Variants in SLC67A1 observed in about 807,000 individuals in gnomAD.
SLC67A1 encodes the protein solute carrier family 67 member 1.
the SLC67A1 span, among the ~76,000 whole-genome samples, chr11:2,900,166 G>T: frequency 6.6e-6 from 1 of 152,058 alleles, no homozygotes; most frequent in Non-Finnish European, 1.5e-5. Context: ...TCCCCAGGGC[G>T]GCCAGTGGTG....
At chr11:2,900,770 TC>T in the SLC67A1 span, among the ~76,000 whole-genome samples, 1 of 142,830 alleles carries the variant, frequency 7.0e-6, no homozygotes, top group African/African-American at 2.6e-5. Context: ...AGTATGGACA[TC>T]CATGCGGGAA....
the SLC67A1 span, among the ~76,000 whole-genome samples, chr11:2,923,060 G>A: frequency 2.6e-5 from 4 of 152,190 alleles, no homozygotes; most frequent in Admixed American, 6.5e-5. This position sits in a 1 kb window ranked among gnomAD's most constrained non-coding sequence, Gnocchi z 6.5. Flanking sequence ...CCCCACTTCC[G>A]ACCCAGCTTT....
the SLC67A1 span, chr11:2,903,236 T>C: frequency 6.5e-7 from 1 of 1,529,440 alleles, no homozygotes; most frequent in Non-Finnish European, 8.8e-7. Context: ...GGGTGCTGCC[T>C]GGGACCCAGT....
the SLC67A1 span, among the ~76,000 whole-genome samples, chr11:2,905,667 C>A: frequency 6.6e-6 from 1 of 152,050 alleles, no homozygotes; most frequent in South Asian, 2.1e-4. Flanking sequence ...AGTATAGTCC[C>A]CTGGGGCCTG....
the SLC67A1 span, among the ~76,000 whole-genome samples, chr11:2,905,375 C>T: frequency 1.3e-5 from 2 of 152,124 alleles, no homozygotes; most frequent in Non-Finnish European, 2.9e-5. Context: ...CCAAAGCGGA[C>T]CACTGGAGGC....
At chr11:2,900,418 C>T in the SLC67A1 span, among the ~76,000 whole-genome samples, 1,614 of 152,176 alleles carry the variant, frequency 0.011, 32 homozygotes, top group African/African-American at 0.036. Context: ...ACAGGCTGGG[C>T]GCGGTGGCTC....
the SLC67A1 span, chr11:2,902,610 G>A: frequency 1.0e-6 from 1 of 985,416 alleles, no homozygotes; most frequent in Non-Finnish European, 1.2e-6. Flanking sequence ...GCAGTCAGCT[G>A]TTAATGTGGC....
the SLC67A1 span, among the ~76,000 whole-genome samples, chr11:2,911,351 T>TGTGGTGATTTGGAGGATCAGGCAGGC: frequency 1.1e-3 from 161 of 151,570 alleles, 2 homozygotes; most frequent in African/African-American, 3.7e-3. Context: ...GCTGGGAGGG[T>TGTGGTGATTTGGAGGATCAGGCAGGC]GTCCCTGGAG....
At chr11:2,900,727 G>GAAA in the SLC67A1 span, among the ~76,000 whole-genome samples, 1 of 132,830 alleles carries the variant, frequency 7.5e-6, no homozygotes, top group Non-Finnish European at 1.7e-5. Flanking sequence ...AGATATGGGG[G>GAAA]AAATTGCCAT....
At chr11:2,903,567 G>A in the SLC67A1 span, 558 of 1,531,620 alleles carry the variant, frequency 3.6e-4, 2 homozygotes, top group African/African-American at 6.7e-3. Context: ...CTGGGCCGTC[G>A]CAGAGAGTGG....
the SLC67A1 span, chr11:2,909,060 C>G: frequency 5.1e-6 from 4 of 780,134 alleles, no homozygotes; most frequent in Middle Eastern, 3.8e-4. Context: ...TCCCAGCAGC[C>G]GCCCAGGCGC....
At chr11:2,901,355 C>T in the SLC67A1 span, among the ~76,000 whole-genome samples, 4 of 152,252 alleles carry the variant, frequency 2.6e-5, no homozygotes, top group African/African-American at 9.6e-5. Context: ...CTCGCCTCTG[C>T]GATGTCCGTC....
chr11:2,924,268 C>T, the SLC67A1 span, among the ~76,000 whole-genome samples: 1 of 152,162 alleles, frequency 6.6e-6, no homozygotes, highest in Non-Finnish European at 1.5e-5. The surrounding 1 kb of genome is among the most constrained non-coding windows in gnomAD (Gnocchi z 8.6). Context: ...GGAAGCCGCT[C>T]GGTCTTGCTC....
At chr11:2,901,069 T>C in the SLC67A1 span, among the ~76,000 whole-genome samples, 1 of 152,198 alleles carries the variant, frequency 6.6e-6, no homozygotes, top group Non-Finnish European at 1.5e-5. Context: ...TGACCTGCCC[T>C]GGGGAAAATG....
At chr11:2,908,362 C>A in the SLC67A1 span, 2 of 1,511,330 alleles carry the variant, frequency 1.3e-6, no homozygotes, top group Non-Finnish European at 1.8e-6. Context: ...GGGCTCTCCC[C>A]ACAGTGACCC....
the SLC67A1 span, among the ~76,000 whole-genome samples, chr11:2,908,523 G>A: frequency 7.9e-5 from 12 of 152,220 alleles, no homozygotes; most frequent in South Asian, 2.1e-4. Flanking sequence ...TCCCACCCAC[G>A]CCTTCCACTA....
At chr11:2,918,981 T>G in the SLC67A1 span, 1 of 295,622 alleles carries the variant, frequency 3.4e-6, no homozygotes, top group Non-Finnish European at 6.7e-6. Flanking sequence ...AGACGTGACT[T>G]TGAGGGCTCT....
chr11:2,919,549 C>G, the SLC67A1 span: 1 of 642,058 alleles, frequency 1.6e-6, no homozygotes, highest in Non-Finnish European at 2.8e-6. Context: ...CACAGGGAAC[C>G]AGGCATACAG....
chr11:2,914,304 T>C, the SLC67A1 span, among the ~76,000 whole-genome samples: 1 of 151,900 alleles, frequency 6.6e-6, no homozygotes, highest in African/African-American at 2.4e-5. Context: ...TGGCAGGTCG[T>C]GGTGAGGTTG....
Sources: allele counts gnomAD v4.1 joint callset (sites outside exome capture counted in the v4.1 genomes callset), GRCh38; gene constraint gnomAD v4.1.1; non-coding constraint Gnocchi (gnomAD v3.1); transcripts MANE v1.5; gene names NCBI Gene and HGNC (gene_info 2026-07-23, HGNC 2026-07-21).